Variants in SEMA3E observed in about 807,000 individuals in gnomAD.
The protein encoded by SEMA3E is semaphorin 3E.
In SEMA3E, 49 loss-of-function variants were observed where a neutral mutation model predicts 93.6. The observed-to-expected ratio is 0.52, with a 90% CI of 0.42 to 0.66. The LOEUF (loss-of-function observed/expected upper bound fraction) is 0.66. Among genes scored for constraint, SEMA3E ranks in the 30% least tolerant of loss-of-function variants. The pLI is 0.00. For missense variants in SEMA3E, 906 were observed against 964.8 expected (o/e 0.94, Z 0.81); for synonymous variants, 363 against 330.7 (o/e 1.10, Z -1.06).
intron 1 of SEMA3E, among the ~76,000 whole-genome samples, chr7:83,580,505 C>G (rs928511419): frequency 1.3e-5 from 2 of 151,954 alleles, no homozygotes; most frequent in African/African-American, 4.8e-5. Flanking sequence ...ACTGCCTATT[C>G]CTAAATTCAG....
At chr7:83,432,829 A>T (rs1263506459) in intron 4 of SEMA3E, among the ~76,000 whole-genome samples, 1 of 152,226 alleles carries the variant, frequency 6.6e-6, no homozygotes. Flanking sequence ...TGGAACAGAA[A>T]AAAAGATATC....
intron 5 of SEMA3E, among the ~76,000 whole-genome samples, chr7:83,410,343 T>C (rs1349402037): frequency 6.6e-6 from 1 of 151,874 alleles, no homozygotes; most frequent in Non-Finnish European, 1.5e-5. Flanking sequence ...GATCACAGAG[T>C]TTTTAAAAAG....
chr7:83,542,376 G>C (rs1455594622), intron 1 of SEMA3E, among the ~76,000 whole-genome samples: 1 of 151,868 alleles, frequency 6.6e-6, no homozygotes, highest in Non-Finnish European at 1.5e-5. Context: ...TTGATAACTA[G>C]AATTAGAAAA....
chr7:83,580,000 G>A (rs1179380609), intron 1 of SEMA3E, among the ~76,000 whole-genome samples: 2 of 151,984 alleles, frequency 1.3e-5, no homozygotes, highest in Non-Finnish European at 2.9e-5. Flanking sequence ...GTCAACGAAA[G>A]CATACTCTAC....
intron 4 of SEMA3E, among the ~76,000 whole-genome samples, chr7:83,435,397 C>T (rs1385126375): frequency 6.6e-6 from 1 of 152,048 alleles, no homozygotes; most frequent in Non-Finnish European, 1.5e-5. Flanking sequence ...AGTTCGAGAC[C>T]AGCCTGGCCA....
intron 1 of SEMA3E, among the ~76,000 whole-genome samples, chr7:83,566,351 C>G (rs189764078): frequency 6.6e-6 from 1 of 151,984 alleles, no homozygotes; most frequent in Non-Finnish European, 1.5e-5. Context: ...CTCTTTTAAC[C>G]CTTTCTCGTA....
At chr7:83,517,891 T>C (rs752110189) in intron 1 of SEMA3E, among the ~76,000 whole-genome samples, 1 of 152,152 alleles carries the variant, frequency 6.6e-6, no homozygotes, top group Non-Finnish European at 1.5e-5. Context: ...TAGATGATAA[T>C]GTGTCTACAC....
intron 1 of SEMA3E, among the ~76,000 whole-genome samples, chr7:83,590,624 A>G (rs1792738465): frequency 2.6e-5 from 4 of 152,144 alleles, no homozygotes; most frequent in Admixed American, 2.6e-4. Context: ...AATGAGGGAT[A>G]AGGGGAAGGG....
chr7:83,618,005 CAT>C (rs1793417081), intron 1 of SEMA3E, among the ~76,000 whole-genome samples: 1 of 152,018 alleles, frequency 6.6e-6, no homozygotes, highest in African/African-American at 2.4e-5. Flanking sequence ...ACAAATAAGA[CAT>C]AGCCCTTTGT....
intron 4 of SEMA3E, among the ~76,000 whole-genome samples, chr7:83,431,566 G>C (rs1788884235): frequency 6.6e-6 from 1 of 152,080 alleles, no homozygotes; most frequent in South Asian, 2.1e-4. Context: ...ACCATGCCCG[G>C]CTAGTTTTTG....
At chr7:83,587,922 T>C (rs1792666483) in intron 1 of SEMA3E, among the ~76,000 whole-genome samples, 1 of 152,116 alleles carries the variant, frequency 6.6e-6, no homozygotes, top group Non-Finnish European at 1.5e-5. Context: ...TCTATATTTT[T>C]ATAACCTTTT....
At chr7:83,433,269 A>AAT (rs928637961) in intron 4 of SEMA3E, among the ~76,000 whole-genome samples, 10 of 151,834 alleles carry the variant, frequency 6.6e-5, no homozygotes, top group African/African-American at 2.4e-4. Context: ...ATGTAAATGT[A>AAT]ATATATATAT....
At chr7:83,499,845 GCACA>G (rs1174371950) in intron 1 of SEMA3E, among the ~76,000 whole-genome samples, 2 of 151,892 alleles carry the variant, frequency 1.3e-5, no homozygotes, top group African/African-American at 4.8e-5. Flanking sequence ...ATACGCGCAT[GCACA>G]CACACACAAT....
intron 9 of SEMA3E, among the ~76,000 whole-genome samples, chr7:83,404,740 G>A (rs1788295267): frequency 6.6e-6 from 1 of 151,936 alleles, no homozygotes; most frequent in African/African-American, 2.4e-5. Flanking sequence ...TGATGAACGT[G>A]TTCACTATGA....
At chr7:83,396,924 C>CA (rs1291868081) in intron 11 of SEMA3E, among the ~76,000 whole-genome samples, 195 bp from the exon 12 acceptor site, 7 of 151,246 alleles carry the variant, frequency 4.6e-5, no homozygotes, top group South Asian at 2.1e-4. Context: ...ACTAAAAATA[C>CA]AAAAAAAATT....
chr7:83,551,567 G>A (rs912299888), intron 1 of SEMA3E, among the ~76,000 whole-genome samples: 9 of 152,178 alleles, frequency 5.9e-5, no homozygotes, highest in Non-Finnish European at 1.2e-4. Context: ...TCACAGAACA[G>A]TGAAGGTTTT....
chr7:83,523,859 T>C (rs1416809679), intron 1 of SEMA3E, among the ~76,000 whole-genome samples: 1 of 152,098 alleles, frequency 6.6e-6, no homozygotes, highest in Non-Finnish European at 1.5e-5. Context: ...CAAGAACATG[T>C]TTTGTCCTTG....
intron 1 of SEMA3E, among the ~76,000 whole-genome samples, chr7:83,603,271 AT>A (rs1793037288): frequency 6.6e-6 from 1 of 152,172 alleles, no homozygotes; most frequent in Non-Finnish European, 1.5e-5. Flanking sequence ...GTAAATAAAC[AT>A]GAACATAATC....
intron 1 of SEMA3E, among the ~76,000 whole-genome samples, chr7:83,602,839 A>T (rs1363734155): frequency 2.0e-5 from 3 of 152,108 alleles, no homozygotes; most frequent in Non-Finnish European, 4.4e-5. Context: ...TTTGTTTGTA[A>T]TGATCCTATA....
Sources: gnomAD v4.1 joint callset for allele counts (sites outside exome capture counted in the v4.1 genomes callset) on GRCh38, gnomAD v4.1.1 for gene constraint, MANE v1.5 for transcripts, NCBI Gene and HGNC (gene_info 2026-07-23, HGNC 2026-07-21) for gene names.